Variants in FSCN2 observed in about 807,000 individuals in gnomAD.
FSCN2 encodes fascin-2.
In FSCN2, 46 loss-of-function variants were observed where a neutral mutation model predicts 37.8. The ratio of observed to expected loss-of-function variants is 1.22; its 90% CI spans 0.96 to 1.56. FSCN2 has a LOEUF of 1.56. Ranked by LOEUF, FSCN2 falls within the 40% of genes most tolerant of loss-of-function variation. The pLI is 0.00. For synonymous variants in FSCN2, 351 were observed against 309.4 expected, an observed-to-expected ratio of 1.13 and a Z score of -1.41; for missense variants, 844 against 730.4, an observed-to-expected ratio of 1.16 and a Z score of -1.79.
chr17:81,517,427 G>A, the FSCN2 span, among the ~76,000 whole-genome samples: 2 of 152,196 alleles, frequency 1.3e-5, no homozygotes, highest in African/African-American at 4.8e-5. Context: ...TTGCCCTCCC[G>A]TGTGGACAGG....
At chr17:81,519,080 G>C in the FSCN2 span, 1 of 152,292 alleles carries the variant, frequency 6.6e-6, no homozygotes, top group Non-Finnish European at 1.5e-5. Context: ...GCTGGGACTT[G>C]AGCTGGTCTG....
At chr17:81,527,769 T>C (rs1279313457), upstream of FSCN2, 1 of 152,238 alleles carries the variant, frequency 6.6e-6, no homozygotes, top group Non-Finnish European at 1.5e-5. Context: ...GGCCTCTGAC[T>C]CTGCCCCCTG....
the FSCN2 span, among the ~76,000 whole-genome samples, chr17:81,516,246 G>A: frequency 5.3e-5 from 8 of 152,248 alleles, no homozygotes; most frequent in South Asian, 4.1e-4. Context: ...GAGTTTGGCC[G>A]TAAGTATCAA....
chr17:81,516,610 C>G, the FSCN2 span, among the ~76,000 whole-genome samples: 1 of 152,180 alleles, frequency 6.6e-6, no homozygotes, highest in African/African-American at 2.4e-5. Context: ...AGGCTGGTTT[C>G]CTGCAACTCG....
rs749950203 is a variant in FSCN2 at position 81,536,993 on chromosome 17, G to C, written c.1392G>C (p.Arg464=). Residue 464 remains arginine (R), a synonymous_variant, in exon 5 of 5, where the codon CGG becomes CGC. Coordinates refer to ENST00000417245, the MANE Select transcript of FSCN2 (RefSeq NM_012418.4). ...RERGRLAIRA[R]SGKYLRGGAS... ...GCGGCCGCCTGGCCATCCGCGCCCG[G>C]AGCGGCAAGTACCTGCGCGGCGGCG... 1 of 1,525,720 alleles carries C rather than the reference G, an allele frequency of 6.6e-7. No individual in the cohort carries two copies. Among genetic ancestry groups the C allele is most frequent in the Non-Finnish European group, 8.7e-7 (1 of 1,144,206 alleles). 94.5% of individuals were successfully genotyped at this position (1,525,720 alleles called of 1,614,324 possible).
In FSCN2 at chr17:81,530,176, C is replaced by G. The variant is rs367621202; in HGVS notation, c.826+819C>G. On this transcript the variant is annotated intron_variant, in intron 1 of 4. Transcript: ENST00000417245. The stretch of plus-strand genomic sequence containing the variant: ...GTAGGGCAGGGAGCTGGGGATCGGG[C>G]GGGGATAGCACCACCACGTGCCTGA... The G allele has an allele frequency of 4.2e-5, 12 of 282,640 alleles. No homozygotes were observed. The Middle Eastern group carries it at 2.6e-3, about 60-fold the overall frequency. 17.5% of individuals were successfully genotyped at this position (282,640 alleles called of 1,614,324 possible).
chr17:81,530,912 C>CA (rs1555671163), intron 1 of FSCN2, among the ~76,000 whole-genome samples: 12 of 152,328 alleles, frequency 7.9e-5, no homozygotes, highest in African/African-American at 2.4e-4. Context: ...GGGCCCAGGC[C>CA]GGGCATGTGG....
chr17:81,528,908 C>G lies in FSCN2; in HGVS notation c.377C>G (p.Ser126Cys). Residue 126 changes from serine (S) to cysteine (C), a missense_variant, in exon 1 of 5, where the codon TCC (serine) becomes TGC (cysteine). By Grantham distance (112) the Ser-to-Cys change is moderately radical (BLOSUM62 -1). Coordinates refer to ENST00000417245, the MANE Select transcript of FSCN2 (RefSeq NM_012418.4). ...DQLSCFATAVSPAELWTVHLA... is the reference protein window; with the variant it reads ...DQLSCFATAVCPAELWTVHLA... Reference sequence around the variant, plus strand: ...CTGTCCTGCTTCGCCACAGCCGTTTCCCCGGCCGAGCTGTGGACCGTGCAC... The same window carrying G: ...CTGTCCTGCTTCGCCACAGCCGTTTGCCCGGCCGAGCTGTGGACCGTGCAC... 6.3e-7 allele frequency: 1 copy of G among 1,587,580 alleles called. No individual in the cohort carries two copies. Among genetic ancestry groups the G allele is most frequent in the Non-Finnish European group, 8.5e-7 (1 of 1,170,646 alleles).
upstream of FSCN2, among the ~76,000 whole-genome samples, chr17:81,525,986 T>A (rs1480476547): frequency 6.6e-6 from 1 of 152,156 alleles, no homozygotes; most frequent in Non-Finnish European, 1.5e-5. Context: ...GCTGGGTCAG[T>A]GCCAGGCAGC....
In FSCN2 at chr17:81,536,932, A is replaced by T; in HGVS notation, c.1331A>T (p.Glu444Val). The T allele has an allele frequency of 6.4e-7, 1 of 1,573,116 alleles. No homozygotes were observed. The change falls in exon 5 of 5, where the codon GAA becomes GTA. Residue 444 changes from glutamate (E) to valine (V), a missense_variant. Physicochemically the swap from Glu to Val is moderately radical, Grantham distance 121 (BLOSUM62 -2). Transcript: ENST00000417245. ...CACGGCAGCGTGTGCAGCGACGGCG[A>T]ACGCGCCGAGGACTTCGTCTTCGAG... ...GSHGSVCSDGERAEDFVFEFR... is the reference protein window; with the variant it reads ...GSHGSVCSDGVRAEDFVFEFR...
At chr17:81,529,587 C>G in intron 1 of FSCN2, 1 of 751,014 alleles carries the variant, frequency 1.3e-6, no homozygotes. Flanking sequence ...GGGTCAGAGG[C>G]AAGGGTTCCT....
In FSCN2 at chr17:81,528,417, T is replaced by G; in HGVS notation, c.-115T>G. 1.3e-6 allele frequency: 1 copy of G among 747,130 alleles called. No homozygotes were observed. Among genetic ancestry groups the G allele is most frequent in the Non-Finnish European group, 2.2e-6 (1 of 460,420 alleles). The allele number at this position is 747,130 out of a possible 1,614,324, so 46.3% of individuals were successfully genotyped here. The stretch of plus-strand genomic sequence containing the variant: ...CAGGCAGGGGGTTCGTGACGCCGGC[T>G]GGGTCTGGGGGCTGTGGGCCAGCCG... On this transcript the variant is annotated 5_prime_UTR_variant, in exon 1 of 5. Coordinates refer to ENST00000417245, the MANE Select transcript of FSCN2 (RefSeq NM_012418.4).
At chr17:81,526,307 C>T (rs1407544091), upstream of FSCN2, among the ~76,000 whole-genome samples, 7 of 152,224 alleles carry the variant, frequency 4.6e-5, no homozygotes, top group African/African-American at 1.7e-4. Context: ...CTTCCCCCAC[C>T]GCTCACGGAC....
At chr17:81,526,975 G>C (rs781818350), upstream of FSCN2, 4 of 152,354 alleles carry the variant, frequency 2.6e-5, no homozygotes, top group Non-Finnish European at 5.9e-5. Flanking sequence ...TTGCATGTGG[G>C]AGTCTCTCTG....
chr17:81,528,403 T>C lies in FSCN2; in HGVS notation c.-129T>C. 2.9e-6 allele frequency: 2 copies of C among 685,158 alleles called. No homozygotes were observed. The highest frequency in any genetic ancestry group is 2.7e-5 in the East Asian group (1 of 36,586). 42.4% of individuals were successfully genotyped at this position (685,158 alleles called of 1,614,324 possible). ...GAGGCGGGTCAGAGCAGGCAGGGGG[T>C]TCGTGACGCCGGCTGGGTCTGGGGG... On this transcript the variant is annotated 5_prime_UTR_variant, in exon 1 of 5. Transcript: ENST00000417245.
chr17:81,536,452 T>C, intron 3 of FSCN2, 170 bp from the exon 4 acceptor site: 1 of 1,488,488 alleles, frequency 6.7e-7, no homozygotes, highest in South Asian at 1.3e-5. Flanking sequence ...CTGAATGTCC[T>C]TATCTCCGCT....
chr17:81,516,036 G>T, the FSCN2 span, among the ~76,000 whole-genome samples: 2 of 152,198 alleles, frequency 1.3e-5, no homozygotes, highest in African/African-American at 4.8e-5. Flanking sequence ...GTGGAGACAG[G>T]GTTTCACCAT....
chr17:81,515,411 G>A, the FSCN2 span, among the ~76,000 whole-genome samples: 5 of 152,236 alleles, frequency 3.3e-5, no homozygotes, highest in African/African-American at 9.6e-5. Context: ...CCAGAGGTGG[G>A]TGTGTCCTTC....
Position 81,529,309 on chromosome 17 carries a change from C to T in FSCN2, c.778C>T (p.Gln260Ter). 6.4e-7 allele frequency: 1 copy of T among 1,566,626 alleles called. No individual in the cohort carries two copies. The highest frequency in any genetic ancestry group is 1.2e-5 in the South Asian group (1 of 82,682). Residue 260 changes from glutamine to a stop codon, truncating the protein, a stop_gained, in exon 1 of 5, where the codon CAG becomes TAG. Coordinates refer to ENST00000417245, the MANE Select transcript of FSCN2 (RefSeq NM_012418.4). LOFTEE classifies it high-confidence loss of function. ...ELFDLEESHPQVVLVAANHRY... is the reference protein window; with the variant it reads ...ELFDLEESHP ...CTTTGATCTGGAGGAGAGTCACCCA[C>T]AGGTGGTGCTGGTGGCTGCCAACCA...
Sources: gnomAD v4.1 joint callset for allele counts (sites outside exome capture counted in the v4.1 genomes callset) on GRCh38, gnomAD v4.1.1 for gene constraint, MANE v1.5 for transcripts, NCBI Gene and HGNC (gene_info 2026-07-23, HGNC 2026-07-21) for gene names.